The following SORCS1 variants were observed in gnomAD, a reference collection of about 807,000 sequenced individuals.
The protein encoded by SORCS1 is VPS10 domain-containing receptor SorCS1.
In SORCS1, 60 loss-of-function variants were observed where a neutral mutation model predicts 146.1. That is an observed-to-expected ratio of 0.41 (90% confidence interval 0.33 to 0.51). SORCS1 has a LOEUF of 0.51. Among genes scored for constraint, SORCS1 ranks in the 20% least tolerant of loss-of-function variants. The pLI is 0.21. For missense variants in SORCS1, 1,352 were observed against 1,487.6 expected, an observed-to-expected ratio of 0.91 and a Z score of 1.50; for synonymous variants, 637 against 584.0, an observed-to-expected ratio of 1.09 and a Z score of -1.31.
At chr10:106,621,689 A>G (rs993700641) in intron 19 of SORCS1, among the ~76,000 whole-genome samples, 1 of 151,852 alleles carries the variant, frequency 6.6e-6, no homozygotes, top group Non-Finnish European at 1.5e-5. Context: ...CAGTTTGGTG[A>G]TTAACACTCA....
intron 1 of SORCS1, among the ~76,000 whole-genome samples, chr10:107,050,027 C>G (rs754269934): frequency 9.9e-5 from 15 of 152,156 alleles, no homozygotes; most frequent in Admixed American, 3.3e-4. Flanking sequence ...AGTGTACATG[C>G]ATATTCCAAG....
chr10:106,855,588 A>G (rs1306598373), intron 2 of SORCS1, among the ~76,000 whole-genome samples: 1 of 151,810 alleles, frequency 6.6e-6, no homozygotes, highest in Non-Finnish European at 1.5e-5. Context: ...GTCTTTTTTT[A>G]AGTTTTGGAA....
chr10:107,027,069 A>T (rs895831143), intron 1 of SORCS1, among the ~76,000 whole-genome samples: 5 of 146,330 alleles, frequency 3.4e-5, no homozygotes, highest in Middle Eastern at 3.6e-3. Context: ...ATATAAATAT[A>T]TATCAGATAT....
At position 106,841,442 on chromosome 10, in the gene SORCS1, C is replaced by T. The variant is rs573673653; in HGVS notation, c.627-11769G>A. On this transcript the variant is annotated intron_variant, in intron 2 of 25. Transcript: ENST00000263054. The stretch of plus-strand genomic sequence containing the variant: ...CCAAGATCACAGCACTGCACTCCAG[C>T]CTGGGCGACAGAGTGAGACTCCATT... Among the ~76,000 whole-genome samples, 5 of 151,840 alleles carry T rather than the reference C, an allele frequency of 3.3e-5. No individual in the cohort carries two copies. The East Asian group carries it at 7.8e-4, about 24-fold the overall frequency.
chr10:106,822,611 A>T (rs1353051419), intron 3 of SORCS1, among the ~76,000 whole-genome samples: 1 of 152,112 alleles, frequency 6.6e-6, no homozygotes. Context: ...TCATGGACTG[A>T]AACAGTATAA....
chr10:106,770,968 T>C (rs988537667), intron 4 of SORCS1, among the ~76,000 whole-genome samples: 5 of 152,222 alleles, frequency 3.3e-5, no homozygotes, highest in African/African-American at 1.2e-4. Context: ...TTCCTGCTCC[T>C]GGTAAGGGGC....
intron 1 of SORCS1, among the ~76,000 whole-genome samples, chr10:107,008,794 G>A (rs1300471640): frequency 6.6e-6 from 1 of 152,124 alleles, no homozygotes; most frequent in Non-Finnish European, 1.5e-5. Flanking sequence ...TCAAGAGATC[G>A]AGATCATCCT....
chr10:106,734,519 G>A (rs1373609081), intron 5 of SORCS1, among the ~76,000 whole-genome samples: 1 of 152,098 alleles, frequency 6.6e-6, no homozygotes, highest in African/African-American at 2.4e-5. Context: ...GTACCTCTGT[G>A]CCAGGCACCT....
intron 24 of SORCS1, among the ~76,000 whole-genome samples, chr10:106,593,442 T>C (rs747809158): frequency 6.6e-6 from 1 of 152,214 alleles, no homozygotes; most frequent in Non-Finnish European, 1.5e-5. Flanking sequence ...TGTGCTCCTG[T>C]GGACACCGCC....
intron 23 of SORCS1, chr10:106,600,501 T>G (rs1441171543): frequency 1.0e-6 from 1 of 984,448 alleles, no homozygotes; most frequent in Non-Finnish European, 1.2e-6. Context: ...AGTATGAAAC[T>G]GTTGACAGAT....
chr10:106,699,422 G>A, intron 8 of SORCS1, 29 bp from the exon 9 acceptor site: 1 of 1,569,586 alleles, frequency 6.4e-7, no homozygotes, highest in Non-Finnish European at 8.6e-7. Flanking sequence ...TCGTGAAGAG[G>A]GAAAAAGAGT....
intron 16 of SORCS1, among the ~76,000 whole-genome samples, chr10:106,670,818 C>T (rs543718081): frequency 1.1e-4 from 17 of 151,876 alleles, no homozygotes; most frequent in African/African-American, 3.6e-4. Context: ...TTCAGCCTCC[C>T]GAGCAGCTGG....
At chr10:107,056,940 C>A (rs902488486) in intron 1 of SORCS1, among the ~76,000 whole-genome samples, 1 of 152,192 alleles carries the variant, frequency 6.6e-6, no homozygotes, top group Non-Finnish European at 1.5e-5. Context: ...TGCCTGTCCC[C>A]CTTTCAGCGT....
chr10:106,744,761 G>A (rs1857597906), intron 5 of SORCS1, among the ~76,000 whole-genome samples: 1 of 152,106 alleles, frequency 6.6e-6, no homozygotes, highest in Admixed American at 6.5e-5. Context: ...TAAGACAGAG[G>A]AGAGACAGGA....
rs1564857130 is a variant in SORCS1 at position 106,960,564 on chromosome 10, AGCT to A, written c.559-3987_559-3985del. The stretch of plus-strand genomic sequence containing the variant: ...AGACTACAGGTGCGCCACCACACCC[AGCT>A]AATTTTTGTACTTTTAGTAGAGATG... On this transcript the variant is annotated intron_variant, in intron 1 of 25. Coordinates refer to ENST00000263054, the MANE Select transcript of SORCS1 (RefSeq NM_052918.5). This position sits in a 1 kb window ranked among gnomAD's most constrained non-coding sequence, Gnocchi z 4.4. Among the ~76,000 whole-genome samples, 2 of 151,910 alleles carry A rather than the reference AGCT, an allele frequency of 1.3e-5. No homozygotes were observed. The highest frequency in any genetic ancestry group is 4.8e-5 in the African/African-American group (2 of 41,366).
rs552560668 is a variant in SORCS1 at position 107,099,475 on chromosome 10, ATG to A, written c.558+64492_558+64493del. On this transcript the variant is annotated intron_variant, in intron 1 of 25. Transcript: ENST00000263054. ...GCATAGACCTTTAGCCTTTAGCCAC[ATG>A]TAACTATGTAAATTTAAATTAAGTC... 3.3e-4 allele frequency among the ~76,000 whole-genome samples: 50 copies of A among 152,302 alleles called. No individual in the cohort carries two copies. In the South Asian group the frequency reaches 5.0e-3, roughly 15 times the overall value.
At chr10:107,080,434 C>T (rs1452412896) in intron 1 of SORCS1, among the ~76,000 whole-genome samples, 3 of 152,304 alleles carry the variant, frequency 2.0e-5, no homozygotes, top group South Asian at 4.1e-4. Context: ...AATTTAAAGA[C>T]AATTTTTGTC....
chr10:106,838,258 A>G (rs567567648), intron 2 of SORCS1, among the ~76,000 whole-genome samples: 39 of 152,296 alleles, frequency 2.6e-4, no homozygotes, highest in African/African-American at 8.9e-4. Context: ...TATGCCCTCT[A>G]CTTTTTTTAA....
At chr10:106,930,612 C>T (rs1953368007) in intron 2 of SORCS1, among the ~76,000 whole-genome samples, 1 of 152,216 alleles carries the variant, frequency 6.6e-6, no homozygotes, top group Admixed American at 6.5e-5. Flanking sequence ...ACAACACCAA[C>T]ACAGGAGGGC....
Sources: gnomAD v4.1 joint callset for allele counts (sites outside exome capture counted in the v4.1 genomes callset) on GRCh38, gnomAD v4.1.1 for gene constraint, Gnocchi (gnomAD v3.1) non-coding constraint, MANE v1.5 for transcripts, NCBI Gene and HGNC (gene_info 2026-07-23, HGNC 2026-07-21) for gene names.